The following SINHCAF variants were observed in gnomAD, a reference collection of about 807,000 sequenced individuals.
SINHCAF encodes the protein SIN3-HDAC complex associated factor, also known as SIN3-HDAC complex-associated factor.
SINHCAF carries 3 observed loss-of-function variants against 25.8 expected under a neutral mutation model. That is an observed-to-expected ratio of 0.12 (90% CI 0.05 to 0.30). The LOEUF (loss-of-function observed/expected upper bound fraction) is 0.30. Among genes scored for constraint, SINHCAF ranks in the 10% least tolerant of loss-of-function variants. The pLI is 1.00. For missense variants in SINHCAF, 121 were observed against 262.3 expected, an observed-to-expected ratio of 0.46 and a Z score of 3.72; for synonymous variants, 70 against 85.5, an observed-to-expected ratio of 0.82 and a Z score of 1.00.
At chr12:31,287,813 A>C in intron 4 of SINHCAF, 29 bp from the exon 5 acceptor site, 1 of 1,538,194 alleles carries the variant, frequency 6.5e-7, no homozygotes. Flanking sequence ...GAAAAAATAA[A>C]ATTTTCAATT....
intron 1 of SINHCAF, chr12:31,303,370 G>C (rs1938885656): frequency 4.0e-6 from 1 of 250,620 alleles, no homozygotes; most frequent in Admixed American, 6.5e-5. Context: ...GTGAGATGAG[G>C]TTGATGTAGG....
At chr12:31,283,736 C>A (rs781213064) in intron 5 of SINHCAF, among the ~76,000 whole-genome samples, 10 of 151,902 alleles carry the variant, frequency 6.6e-5, no homozygotes, top group Admixed American at 2.0e-4. Flanking sequence ...CCTCCACAGT[C>A]CCATCCTACC....
At chr12:31,304,119 C>CA (rs761861557) in intron 1 of SINHCAF, 73,674 of 125,820 alleles carry the variant, frequency 0.59, 21,679 homozygotes, top group South Asian at 0.74. Context: ...GACTCTCCCT[C>CA]AAAAAAAAAA....
chr12:31,283,879 C>CACACACACA lies in SINHCAF; in HGVS notation c.507-1017_507-1009dup, dbSNP rs1251699069. 4.3e-4 allele frequency among the ~76,000 whole-genome samples: 65 copies of CACACACACA among 151,640 alleles called. 1 individual carries two copies. Among genetic ancestry groups the CACACACACA allele is most frequent in the Middle Eastern group, 3.4e-3 (1 of 294 alleles). ...TTACACACACACACACACACACACA[C>CACACACACA]ACACACACACACAGAATCACAATGT... On this transcript the variant is annotated intron_variant, in intron 5 of 5. Transcript: ENST00000337682.
chr12:31,290,955 G>A (rs1938286177), intron 4 of SINHCAF, among the ~76,000 whole-genome samples: 1 of 151,874 alleles, frequency 6.6e-6, no homozygotes, highest in South Asian at 2.1e-4. Flanking sequence ...CCAACCTCAG[G>A]TGATCCACCT....
chr12:31,306,664 T>C (rs1939038152), intron 1 of SINHCAF, among the ~76,000 whole-genome samples: 1 of 152,188 alleles, frequency 6.6e-6, no homozygotes. Flanking sequence ...GTGATTACCT[T>C]GACTCTGTGT....
chr12:31,309,946 CGT>C (rs1939199958), intron 1 of SINHCAF, among the ~76,000 whole-genome samples: 1 of 152,048 alleles, frequency 6.6e-6, no homozygotes, highest in African/African-American at 2.4e-5. Context: ...GGATTACAAG[CGT>C]GAGCCACCGT....
At position 31,290,219 on chromosome 12, in the gene SINHCAF, A is replaced by G. The variant is rs556809630; in HGVS notation, c.356-2435T>C. ...GGCTGGAGTGCAGTGGCTGGATCTC[A>G]GCTCACTGCAGCCTCCAACCTCTTG... On this transcript the variant is annotated intron_variant, in intron 4 of 5. Coordinates refer to ENST00000337682, the MANE Select transcript of SINHCAF (RefSeq NM_001135812.2). Among the ~76,000 whole-genome samples the G allele has an allele frequency of 9.2e-5, 14 of 152,070 alleles. No individual in the cohort carries two copies. The East Asian group carries it at 1.2e-3, about 13-fold the overall frequency.
chr12:31,308,508 T>C (rs75852100), intron 1 of SINHCAF, among the ~76,000 whole-genome samples: 3,098 of 152,252 alleles, frequency 0.02, 107 homozygotes, highest in African/African-American at 0.071. Context: ...ATGTTTGACT[T>C]GAGAAAGACA....
chr12:31,310,919 G>T (rs950846238), intron 1 of SINHCAF, among the ~76,000 whole-genome samples: 1 of 150,544 alleles, frequency 6.6e-6, no homozygotes, highest in African/African-American at 2.5e-5. Flanking sequence ...CGCCAGGCTG[G>T]AGTGCAGTGG....
chr12:31,325,615 G>A lies in SINHCAF; in HGVS notation c.-21+409C>T, dbSNP rs1325212202. 1.1e-5 allele frequency: 2 copies of A among 186,632 alleles called. No individual in the cohort carries two copies. Among genetic ancestry groups the A allele is most frequent in the African/African-American group, 4.8e-5 (2 of 41,678 alleles). 11.6% of individuals were successfully genotyped at this position (186,632 alleles called of 1,614,324 possible). A position where few individuals can be genotyped will look rare whatever the true frequency, so the allele number is the denominator to read the frequency against. ...GCACCGACCCCGGCCGCTGCGCGGTGGCCAACGAGTCGCTTTCCTCTCGGG... is the reference window on the plus strand; with the variant it reads ...GCACCGACCCCGGCCGCTGCGCGGTAGCCAACGAGTCGCTTTCCTCTCGGG... On this transcript the variant is annotated intron_variant, in intron 1 of 5. Transcript: ENST00000337682. This position sits in a 1 kb window ranked among gnomAD's most constrained non-coding sequence, Gnocchi z 5.9.
At chr12:31,321,629 AGAT>A (rs1939697035) in intron 1 of SINHCAF, among the ~76,000 whole-genome samples, 1 of 152,210 alleles carries the variant, frequency 6.6e-6, no homozygotes, top group Non-Finnish European at 1.5e-5. Flanking sequence ...AGTGACTATA[AGAT>A]GATGACAGCT....
At chr12:31,287,416 T>C (rs1392622266) in intron 5 of SINHCAF, among the ~76,000 whole-genome samples, 1 of 152,178 alleles carries the variant, frequency 6.6e-6, no homozygotes, top group Non-Finnish European at 1.5e-5. Context: ...TATCTAGCAA[T>C]AGGCAATGTA....
At chr12:31,313,049 A>T (rs182163820) in intron 1 of SINHCAF, among the ~76,000 whole-genome samples, 1 of 152,138 alleles carries the variant, frequency 6.6e-6, no homozygotes, top group African/African-American at 2.4e-5. Context: ...TTTGAGACGC[A>T]GTTTTGCTCT....
chr12:31,298,853 A>G (rs530315755), intron 1 of SINHCAF, among the ~76,000 whole-genome samples: 1 of 152,326 alleles, frequency 6.6e-6, no homozygotes, highest in South Asian at 2.1e-4. Context: ...TTAGAATTTA[A>G]TAATAATAAT....
chr12:31,309,127 C>CCA (rs1939153450), intron 1 of SINHCAF, among the ~76,000 whole-genome samples: 1 of 75,420 alleles, frequency 1.3e-5, no homozygotes, highest in African/African-American at 5.1e-5. Flanking sequence ...GATTCTGTCT[C>CCA]AAAAAAAAAA....
intron 1 of SINHCAF, among the ~76,000 whole-genome samples, chr12:31,301,951 T>C (rs148206348): frequency 4.6e-5 from 7 of 152,314 alleles, no homozygotes; most frequent in African/African-American, 1.7e-4. Flanking sequence ...TTGTGCAATA[T>C]TAAATGATTC....
At chr12:31,295,143 T>C in intron 3 of SINHCAF, 91 bp downstream of exon 3, 1 of 747,274 alleles carries the variant, frequency 1.3e-6, no homozygotes. Context: ...TTTTCTACCC[T>C]AGGGATATAT....
intron 1 of SINHCAF, among the ~76,000 whole-genome samples, chr12:31,314,650 T>G (rs1177929639): frequency 6.6e-6 from 1 of 152,024 alleles, no homozygotes; most frequent in Non-Finnish European, 1.5e-5. Context: ...TGTTAACACC[T>G]CTAAGTTGTT....
Sources: allele counts gnomAD v4.1 joint callset (sites outside exome capture counted in the v4.1 genomes callset), GRCh38; gene constraint gnomAD v4.1.1; non-coding constraint Gnocchi (gnomAD v3.1); transcripts MANE v1.5; gene names NCBI Gene and HGNC (gene_info 2026-07-23, HGNC 2026-07-21).